The following PSD3 variants were observed in gnomAD, a reference collection of about 807,000 sequenced individuals.
PSD3 encodes the protein PH and SEC7 domain-containing protein 3.
A neutral mutation model predicts 105.5 loss-of-function variants in PSD3; 49 were observed. The observed-to-expected ratio is 0.46, with a 90% CI of 0.37 to 0.59. The LOEUF (loss-of-function observed/expected upper bound fraction) is 0.59, where lower values mean the gene tolerates loss of function less well. Ranked by LOEUF, PSD3 falls within the 20% of genes least tolerant of loss-of-function variation. PSD3 has a pLI of 0.00. For missense variants in PSD3, 1,561 were observed against 1,263.8 expected (o/e 1.24, Z -3.57); for synonymous variants, 557 against 457.8 (o/e 1.22, Z -2.77).
chr8:18,862,310 G>A (rs1164580240), intron 4 of PSD3, among the ~76,000 whole-genome samples: 2 of 151,640 alleles, frequency 1.3e-5, no homozygotes, highest in East Asian at 1.9e-4. Context: ...TCGAAACCAG[G>A]AATAAATGGC....
At chr8:18,815,998 C>A (rs561547069) in intron 4 of PSD3, among the ~76,000 whole-genome samples, 4 of 152,106 alleles carry the variant, frequency 2.6e-5, no homozygotes, top group Non-Finnish European at 4.4e-5. Context: ...AAGACCCTCC[C>A]CTTAGGAAAT....
chr8:19,005,585 A>T (rs1301368267), intron 1 of PSD3, among the ~76,000 whole-genome samples: 1 of 152,000 alleles, frequency 6.6e-6, no homozygotes, highest in Non-Finnish European at 1.5e-5. Flanking sequence ...CCTGGGCTCA[A>T]GCAATCCTCC....
At position 18,679,367 on chromosome 8, in the gene PSD3, T is replaced by C. The variant is rs181010427; in HGVS notation, c.2173-23682A>G. Reference sequence around the variant, plus strand: ...GAGGTGATGGTGCCTTTCAACATTATTGCAACACGTTTTTAAAAAGCAATG... The same window carrying C: ...GAGGTGATGGTGCCTTTCAACATTACTGCAACACGTTTTTAAAAAGCAATG... On this transcript the variant is annotated intron_variant, in intron 9 of 15. Coordinates refer to ENST00000327040, the MANE Select transcript of PSD3 (RefSeq NM_015310.4). 2.6e-5 allele frequency among the ~76,000 whole-genome samples: 4 copies of C among 152,316 alleles called. No homozygotes were observed. In the East Asian group the frequency reaches 7.7e-4, roughly 29 times the overall value.
chr8:18,582,816 C>T (rs1273760626), intron 12 of PSD3, among the ~76,000 whole-genome samples: 18 of 125,466 alleles, frequency 1.4e-4, no homozygotes, highest in African/African-American at 4.4e-4. Context: ...CCACACTGAT[C>T]TTTTTTTTTT....
intron 1 of PSD3, among the ~76,000 whole-genome samples, chr8:19,077,867 G>T (rs370901117): frequency 1.3e-5 from 2 of 152,112 alleles, no homozygotes; most frequent in African/African-American, 4.8e-5. Flanking sequence ...CCTTTTTGGT[G>T]TTCTGACTTC....
At chr8:18,610,488 G>C (rs1349450346) in intron 11 of PSD3, among the ~76,000 whole-genome samples, 3 of 152,100 alleles carry the variant, frequency 2.0e-5, no homozygotes, top group Non-Finnish European at 2.9e-5. Flanking sequence ...AATTTGTTCT[G>C]ACCACGAGGC....
chr8:19,051,167 CT>C (rs1477708778), intron 1 of PSD3, among the ~76,000 whole-genome samples: 2 of 152,168 alleles, frequency 1.3e-5, no homozygotes, highest in African/African-American at 4.8e-5. Flanking sequence ...AAACACACAG[CT>C]TCTTAAGCTG....
chr8:18,943,976 T>C (rs1377868797), intron 1 of PSD3, among the ~76,000 whole-genome samples: 3 of 152,072 alleles, frequency 2.0e-5, no homozygotes, highest in Non-Finnish European at 2.9e-5. Context: ...ACGACTCTAT[T>C]AGTAAATAAC....
At chr8:18,666,682 A>G (rs920307804) in intron 9 of PSD3, among the ~76,000 whole-genome samples, 1 of 149,442 alleles carries the variant, frequency 6.7e-6, no homozygotes, top group African/African-American at 2.5e-5. Flanking sequence ...CTGTAGCCTG[A>G]TTTCAACCAA....
chr8:18,821,015 G>A (rs1272150812), intron 4 of PSD3, among the ~76,000 whole-genome samples: 2 of 152,108 alleles, frequency 1.3e-5, no homozygotes, highest in African/African-American at 2.4e-5. Context: ...CTCCCCAAAT[G>A]CTGAGATTAT....
At chr8:18,913,104 C>T (rs959613531) in intron 2 of PSD3, among the ~76,000 whole-genome samples, 2 of 151,376 alleles carry the variant, frequency 1.3e-5, no homozygotes, top group African/African-American at 4.8e-5. Flanking sequence ...CACACACACA[C>T]ACACACACAC....
At chr8:18,842,507 G>T (rs978958048) in intron 4 of PSD3, among the ~76,000 whole-genome samples, 1 of 152,228 alleles carries the variant, frequency 6.6e-6, no homozygotes, top group African/African-American at 2.4e-5. Context: ...TCCGAGGCGG[G>T]CGGATCACAA....
intron 8 of PSD3, among the ~76,000 whole-genome samples, chr8:18,785,945 T>A (rs1295364991): frequency 6.6e-6 from 1 of 152,228 alleles, no homozygotes; most frequent in African/African-American, 2.4e-5. Context: ...ATGGCACTGA[T>A]AAGACTCGCT....
chr8:18,769,174 T>A (rs1342034332), intron 8 of PSD3, among the ~76,000 whole-genome samples: 1 of 152,186 alleles, frequency 6.6e-6, no homozygotes, highest in Non-Finnish European at 1.5e-5. Flanking sequence ...TCTGGGGAGA[T>A]GAATAAATAA....
At chr8:18,785,447 T>C (rs779057299) in intron 8 of PSD3, among the ~76,000 whole-genome samples, 44 of 152,264 alleles carry the variant, frequency 2.9e-4, no homozygotes, top group Admixed American at 3.9e-4. Context: ...TCGACCTTCA[T>C]AGAATTGAAG....
intron 9 of PSD3, among the ~76,000 whole-genome samples, chr8:18,674,447 A>G (rs1402055511): frequency 6.6e-6 from 1 of 152,120 alleles, no homozygotes; most frequent in African/African-American, 2.4e-5. Context: ...ATCCTCTCTC[A>G]TTCTTTGGGT....
chr8:18,689,548 G>C (rs534942752), intron 9 of PSD3, among the ~76,000 whole-genome samples: 1 of 152,310 alleles, frequency 6.6e-6, no homozygotes, highest in African/African-American at 2.4e-5. Flanking sequence ...AGAGGCATGA[G>C]GTGTCAAGAG....
intron 3 of PSD3, among the ~76,000 whole-genome samples, chr8:18,869,407 G>A (rs1422898551): frequency 6.6e-6 from 1 of 152,006 alleles, no homozygotes; most frequent in Non-Finnish European, 1.5e-5. Context: ...TCAAACTCCT[G>A]ACCTCGGGTG....
At chr8:19,029,465 C>A (rs1010215153) in intron 1 of PSD3, among the ~76,000 whole-genome samples, 1 of 152,102 alleles carries the variant, frequency 6.6e-6, no homozygotes, top group Non-Finnish European at 1.5e-5. Context: ...TTCAGCATGA[C>A]TGGGGAGGCC....
Sources: gnomAD v4.1 joint callset for allele counts (sites outside exome capture counted in the v4.1 genomes callset) on GRCh38, gnomAD v4.1.1 for gene constraint, MANE v1.5 for transcripts, NCBI Gene and HGNC (gene_info 2026-07-23, HGNC 2026-07-21) for gene names.